The following CIMIP6 variants were observed in gnomAD, a reference collection of about 807,000 sequenced individuals.
CIMIP6 encodes the protein ciliary microtubule inner protein 6, also known as uncharacterized protein C2orf73.
chr2:54,331,499 A>C, the CIMIP6 span, among the ~76,000 whole-genome samples: 1 of 151,996 alleles, frequency 6.6e-6, no homozygotes, highest in East Asian at 1.9e-4. Flanking sequence ...CGTAGAGTAA[A>C]AGCCAAGGCA....
chr2:54,370,227 C>T, the CIMIP6 span, among the ~76,000 whole-genome samples: 3 of 151,654 alleles, frequency 2.0e-5, no homozygotes, highest in African/African-American at 7.3e-5. Context: ...TGCACTCCAG[C>T]CTGGGCAGCA....
the CIMIP6 span, among the ~76,000 whole-genome samples, chr2:54,355,198 T>A: frequency 6.6e-6 from 1 of 152,220 alleles, no homozygotes; most frequent in East Asian, 1.9e-4. Flanking sequence ...ATTGAGAAAT[T>A]TGATATTAAC....
the CIMIP6 span, chr2:54,343,648 C>A: frequency 1.8e-6 from 2 of 1,110,922 alleles, no homozygotes; most frequent in South Asian, 2.4e-5. Context: ...ACTGAATATC[C>A]ATAGACATCA....
chr2:54,356,736 A>G, the CIMIP6 span, among the ~76,000 whole-genome samples: 3 of 152,234 alleles, frequency 2.0e-5, no homozygotes, highest in Non-Finnish European at 4.4e-5. Flanking sequence ...AGAGGAGGAA[A>G]TAGAATTTCA....
At chr2:54,336,575 C>T in the CIMIP6 span, among the ~76,000 whole-genome samples, 6 of 152,058 alleles carry the variant, frequency 3.9e-5, no homozygotes, top group African/African-American at 7.3e-5. Context: ...CTGTTCTAGA[C>T]ACTAGAGATA....
chr2:54,332,805 C>A, the CIMIP6 span, among the ~76,000 whole-genome samples: 58 of 152,160 alleles, frequency 3.8e-4, no homozygotes, highest in African/African-American at 1.4e-3. Flanking sequence ...ATGCCAGAAG[C>A]CTACAATAAT....
chr2:54,344,001 C>G, the CIMIP6 span: 1 of 839,070 alleles, frequency 1.2e-6, no homozygotes, highest in Admixed American at 3.6e-5. Context: ...AATACACACA[C>G]AGCAAATACA....
the CIMIP6 span, chr2:54,361,609 T>TG: frequency 6.6e-6 from 1 of 152,228 alleles, no homozygotes; most frequent in Non-Finnish European, 1.5e-5. Flanking sequence ...TTTTTTTGTG[T>TG]TGGGGACTTC....
At chr2:54,361,680 T>G in the CIMIP6 span, 1 of 152,186 alleles carries the variant, frequency 6.6e-6, no homozygotes, top group Non-Finnish European at 1.5e-5. Flanking sequence ...TGTCAACATA[T>G]GTAGGCAACC....
At chr2:54,359,007 T>C in the CIMIP6 span, 6 of 1,556,062 alleles carry the variant, frequency 3.9e-6, no homozygotes, top group Non-Finnish European at 5.2e-6. Context: ...AACAATTTTA[T>C]AGAATACATC....
At chr2:54,337,704 A>G in the CIMIP6 span, among the ~76,000 whole-genome samples, 3 of 152,234 alleles carry the variant, frequency 2.0e-5, no homozygotes, top group African/African-American at 7.2e-5. Flanking sequence ...AGGTGTTAAG[A>G]GCTGCTATCA....
At chr2:54,367,225 A>G in the CIMIP6 span, among the ~76,000 whole-genome samples, 1 of 152,178 alleles carries the variant, frequency 6.6e-6, no homozygotes, top group Non-Finnish European at 1.5e-5. Flanking sequence ...CAAGGCAAAT[A>G]AATCAGTAAA....
chr2:54,366,448 T>C, the CIMIP6 span, among the ~76,000 whole-genome samples: 1 of 152,362 alleles, frequency 6.6e-6, no homozygotes, highest in East Asian at 1.9e-4. Context: ...TTTAATCGCT[T>C]GTAGCAAATT....
the CIMIP6 span, among the ~76,000 whole-genome samples, chr2:54,378,826 G>A: frequency 2.0e-5 from 3 of 152,186 alleles, no homozygotes; most frequent in Non-Finnish European, 4.4e-5. Context: ...CGCATGTCCT[G>A]AATTCTTACA....
At chr2:54,334,877 C>T in the CIMIP6 span, 77 of 1,558,560 alleles carry the variant, frequency 4.9e-5, no homozygotes, top group Middle Eastern at 1.7e-4. Context: ...AAATTAAACA[C>T]GAAGAAAAAC....
At chr2:54,362,128 T>G in the CIMIP6 span, among the ~76,000 whole-genome samples, 3 of 152,106 alleles carry the variant, frequency 2.0e-5, no homozygotes, top group African/African-American at 7.2e-5. Context: ...ACCAAAAAAT[T>G]CCTCTAGTGA....
the CIMIP6 span, among the ~76,000 whole-genome samples, chr2:54,338,356 G>GTAAAA: frequency 2.5e-3 from 264 of 107,344 alleles, 65 homozygotes; most frequent in Middle Eastern, 8.5e-3. Context: ...GATGGCTTGA[G>GTAAAA]CTCAGGAGTT....
the CIMIP6 span, chr2:54,360,062 C>G: frequency 1.0e-6 from 1 of 999,250 alleles, no homozygotes; most frequent in Non-Finnish European, 1.4e-6. Flanking sequence ...TAGTTTGGGA[C>G]TGAGGTGACA....
At chr2:54,345,512 G>T in the CIMIP6 span, among the ~76,000 whole-genome samples, 1 of 152,108 alleles carries the variant, frequency 6.6e-6, no homozygotes, top group Non-Finnish European at 1.5e-5. Context: ...TGTTTTTCTT[G>T]CATCTGCTGT....
Sources: gnomAD v4.1 joint callset for allele counts (sites outside exome capture counted in the v4.1 genomes callset) on GRCh38, gnomAD v4.1.1 for gene constraint, MANE v1.5 for transcripts, NCBI Gene and HGNC (gene_info 2026-07-23, HGNC 2026-07-21) for gene names.